CUL1: variants seen among roughly 807,000 people sequenced by gnomAD.
The protein encoded by CUL1 is cullin 1, also known as cullin-1.
Under a neutral mutation model 118.0 loss-of-function variants are expected in CUL1, and 24 were observed. The observed-to-expected ratio is 0.20, with a 90% confidence interval of 0.15 to 0.29. The LOEUF is 0.29. Ranked by LOEUF, CUL1 falls within the 10% of genes least tolerant of loss-of-function variation. CUL1 has a pLI of 1.00. For missense variants in CUL1, 361 were observed against 933.8 expected, an observed-to-expected ratio of 0.39 and a Z score of 7.99; for synonymous variants, 332 against 340.4, an observed-to-expected ratio of 0.98 and a Z score of 0.27.
intron 16 of CUL1, 104 bp from the exon 17 acceptor site, chr7:148,792,621 AT>A: frequency 4.6e-6 from 3 of 659,012 alleles, no homozygotes; most frequent in Non-Finnish European, 7.4e-6. Flanking sequence ...TGTTTAAAGA[AT>A]TTGTTTCATA....
chr7:148,747,933 C>T (rs936807303), intron 2 of CUL1, among the ~76,000 whole-genome samples: 3 of 151,920 alleles, frequency 2.0e-5, no homozygotes, highest in South Asian at 2.1e-4. Context: ...CTCACATAGA[C>T]GTAATAGAAG....
chr7:148,722,324 C>G (rs1459177109), intron 1 of CUL1, among the ~76,000 whole-genome samples: 1 of 152,188 alleles, frequency 6.6e-6, no homozygotes, highest in Non-Finnish European at 1.5e-5. Flanking sequence ...GATTGGGACT[C>G]CCCACTCCAC....
intron 1 of CUL1, among the ~76,000 whole-genome samples, 170 bp downstream of exon 1, chr7:148,699,199 G>T (rs1585515808): frequency 4.6e-5 from 7 of 152,010 alleles, no homozygotes; most frequent in Admixed American, 4.6e-4. Flanking sequence ...GGCCGGGCCG[G>T]GGGACTCGTG....
intron 2 of CUL1, among the ~76,000 whole-genome samples, chr7:148,740,257 G>A (rs567448109): frequency 2.0e-5 from 3 of 152,048 alleles, no homozygotes; most frequent in Non-Finnish European, 4.4e-5. Flanking sequence ...ATTTCACCAT[G>A]TTGGCCAGGC....
At chr7:148,707,887 G>A (rs959350915) in intron 1 of CUL1, among the ~76,000 whole-genome samples, 4 of 152,150 alleles carry the variant, frequency 2.6e-5, no homozygotes, top group Admixed American at 6.5e-5. Flanking sequence ...GAGGGTGAAC[G>A]CTGTTCTCAG....
intron 9 of CUL1, among the ~76,000 whole-genome samples, chr7:148,769,047 A>C (rs1800112609): frequency 6.6e-6 from 1 of 152,136 alleles, no homozygotes; most frequent in Non-Finnish European, 1.5e-5. Context: ...GTCGGCACAT[A>C]CAGTGTCTTT....
chr7:148,783,580 T>C (rs768160784), intron 9 of CUL1: 56 of 1,486,886 alleles, frequency 3.8e-5, no homozygotes, highest in Non-Finnish European at 2.6e-5. Context: ...GAATAGATTG[T>C]TTTTTCTTTT....
In CUL1 at chr7:148,701,144, CTT is replaced by C. The variant is rs555877889; in HGVS notation, c.-162+2122_-162+2123del. On this transcript the variant is annotated intron_variant, in intron 1 of 21. Coordinates refer to ENST00000325222, the MANE Select transcript of CUL1 (RefSeq NM_003592.3). ...CTTGGTTGTGGTGGTGCCTCAGTTG[CTT>C]TTTTTTAATGAATGAGTTTTCTGGA... is the stretch of plus-strand genomic sequence containing the variant. Among the ~76,000 whole-genome samples, 28 of 151,644 alleles carry C rather than the reference CTT, an allele frequency of 1.8e-4. 1 individual carries two copies. The South Asian group carries it at 5.7e-3, about 31-fold the overall frequency.
chr7:148,725,641 G>C (rs1798555903), intron 1 of CUL1, among the ~76,000 whole-genome samples: 1 of 152,168 alleles, frequency 6.6e-6, no homozygotes, highest in Non-Finnish European at 1.5e-5. Flanking sequence ...TGCTCCGAGA[G>C]CCCTGCCTGG....
Position 148,753,892 on chromosome 7 carries a change from G to C in CUL1, c.141-84G>C, listed in dbSNP as rs555222352. 1.5e-5 allele frequency: 15 copies of C among 1,034,012 alleles called. No homozygotes were observed. In the Admixed American group the frequency reaches 2.4e-4, roughly 17 times the overall value. The allele number at this position is 1,034,012 out of a possible 1,614,324, so 64.1% of individuals were successfully genotyped here. ...TTGGTTGATATATTGGGAATGCATT[G>C]GTAATGAAATATAAGAAAATATGTT... is the stretch of plus-strand genomic sequence containing the variant. On this transcript the variant is annotated intron_variant, in intron 2 of 21. Coordinates refer to ENST00000325222, the MANE Select transcript of CUL1 (RefSeq NM_003592.3).
At chr7:148,743,116 T>G (rs1442131278) in intron 2 of CUL1, among the ~76,000 whole-genome samples, 3 of 152,214 alleles carry the variant, frequency 2.0e-5, no homozygotes, top group Non-Finnish European at 4.4e-5. Flanking sequence ...ATAATTCCAT[T>G]TTGATCAGAG....
chr7:148,769,449 A>ACACACAC (rs1554471386), intron 9 of CUL1, among the ~76,000 whole-genome samples: 24 of 132,546 alleles, frequency 1.8e-4, no homozygotes, highest in African/African-American at 3.0e-4. Flanking sequence ...ACACACACAC[A>ACACACAC]AAACGCTCAC....
intron 2 of CUL1, among the ~76,000 whole-genome samples, chr7:148,731,998 G>T (rs1253553101): frequency 6.6e-6 from 1 of 152,166 alleles, no homozygotes. Context: ...TTTTTGAGTG[G>T]CTCTGTGACT....
intron 14 of CUL1, among the ~76,000 whole-genome samples, chr7:148,789,418 A>G (rs1286814726): frequency 1.3e-5 from 2 of 152,056 alleles, no homozygotes; most frequent in Non-Finnish European, 2.9e-5. Context: ...GGGCCTGGCA[A>G]GCACAGGCGT....
Position 148,725,219 on chromosome 7 carries a change from G to GCGCACACA in CUL1, c.-161-4742_-161-4741insGCACACAC. ...CGTGTACACACACACACACGCGCGC[G>GCGCACACA]CTCACACACACACACACACACACAC... is the stretch of plus-strand genomic sequence containing the variant. On this transcript the variant is annotated intron_variant, in intron 1 of 21. Coordinates refer to ENST00000325222, the MANE Select transcript of CUL1 (RefSeq NM_003592.3). 7.2e-3 allele frequency among the ~76,000 whole-genome samples: 1,006 copies of GCGCACACA among 140,138 alleles called. 14 individuals carry two copies. Among genetic ancestry groups the GCGCACACA allele is most frequent in the East Asian group, 0.039 (179 of 4,634 alleles). The allele number at this position is 140,138 out of a possible 152,430, so 91.9% of individuals were successfully genotyped here. A position where few individuals can be genotyped will look rare whatever the true frequency, so the allele number is the denominator to read the frequency against.
chr7:148,736,536 C>G (rs1798949325), intron 2 of CUL1, among the ~76,000 whole-genome samples: 2 of 152,222 alleles, frequency 1.3e-5, no homozygotes, highest in Admixed American at 6.5e-5. Context: ...CTCCTGGCTT[C>G]AAGCAGTCCT....
Position 148,720,457 on chromosome 7 carries a change from G to T in CUL1, c.-161-9505G>T, listed in dbSNP as rs190153470. Among the ~76,000 whole-genome samples the T allele has an allele frequency of 1.6e-3, 243 of 152,272 alleles. 1 individual carries two copies. Among genetic ancestry groups the T allele is most frequent in the African/African-American group, 5.7e-3 (236 of 41,546 alleles). On this transcript the variant is annotated intron_variant, in intron 1 of 21. Transcript: ENST00000325222. Reference sequence around the variant, plus strand: ...AAAGCTGATGGGAAATGCAGAAGGGGGAGTGAGTTTGAAGGGAGAGAGACC... The same window carrying T: ...AAAGCTGATGGGAAATGCAGAAGGGTGAGTGAGTTTGAAGGGAGAGAGACC...
intron 2 of CUL1, among the ~76,000 whole-genome samples, chr7:148,743,309 ATC>A (rs764675577): frequency 9.9e-5 from 15 of 152,134 alleles, no homozygotes; most frequent in Non-Finnish European, 2.1e-4. Flanking sequence ...GATTGTGCCC[ATC>A]TCTCTCCCAT....
chr7:148,710,945 G>A (rs1048741563), intron 1 of CUL1, among the ~76,000 whole-genome samples: 4 of 152,070 alleles, frequency 2.6e-5, no homozygotes, highest in African/African-American at 9.7e-5. Context: ...TGAGATTACA[G>A]GCAGGAGCCA....
Sources: allele counts gnomAD v4.1 joint callset (sites outside exome capture counted in the v4.1 genomes callset), GRCh38; gene constraint gnomAD v4.1.1; transcripts MANE v1.5; gene names NCBI Gene and HGNC (gene_info 2026-07-23, HGNC 2026-07-21).